Variants in SELENOT observed in about 807,000 individuals in gnomAD.
SELENOT encodes the protein selenoprotein T.
In SELENOT, 9 loss-of-function variants were observed where a neutral mutation model predicts 24.3. That is an observed-to-expected ratio of 0.37 (90% CI 0.22 to 0.65). SELENOT has a LOEUF of 0.65. Among genes scored for constraint, SELENOT ranks in the 30% least tolerant of loss-of-function variants. SELENOT has a pLI of 0.60. For synonymous variants in SELENOT, 81 were observed against 86.0 expected, an observed-to-expected ratio of 0.94 and a Z score of 0.32; for missense variants, 166 against 247.6, an observed-to-expected ratio of 0.67 and a Z score of 2.21.
In SELENOT at chr3:150,627,176, A is replaced by G. The variant is rs1047807656; in HGVS notation, c.*29+13A>G. The G allele has an allele frequency of 1.3e-6, 2 of 1,582,834 alleles. No individual in the cohort carries two copies. Among genetic ancestry groups the G allele is most frequent in the Non-Finnish European group, 1.7e-6 (2 of 1,160,478 alleles). On this transcript the variant is annotated intron_variant, in intron 5 of 5. Transcript: ENST00000471696. ...TGAAAACTCTTTTGTAAGTTGTTTA[A>G]AATATAGCTAATGTATAGGTTTCTG... is the stretch of plus-strand genomic sequence containing the variant.
In SELENOT at chr3:150,629,250, T is replaced by C. The variant is rs1726507768; in HGVS notation, c.*1621T>C. 6.6e-6 allele frequency: 1 copy of C among 152,344 alleles called. No homozygotes were observed. Among genetic ancestry groups the C allele is most frequent in the Non-Finnish European group, 1.5e-5 (1 of 68,034 alleles). 9.4% of individuals were successfully genotyped at this position (152,344 alleles called of 1,614,324 possible). On this transcript the variant is annotated 3_prime_UTR_variant, in exon 6 of 6. Transcript: ENST00000471696. ...TAGTCTAATAATTCACTGCAGAAAA[T>C]TGATTAAGTGGCTGTCCTTTTAATT...
At chr3:150,615,436 G>A (rs1246748319) in intron 1 of SELENOT, among the ~76,000 whole-genome samples, 3 of 149,850 alleles carry the variant, frequency 2.0e-5, no homozygotes, top group Non-Finnish European at 4.5e-5. Flanking sequence ...CTGAGGAATC[G>A]CCACACTGAC....
chr3:150,618,287 A>G (rs1287028941), intron 1 of SELENOT, among the ~76,000 whole-genome samples: 1 of 152,240 alleles, frequency 6.6e-6, no homozygotes, highest in African/African-American at 2.4e-5. Context: ...ACCCAATGCT[A>G]TGCGTGGATG....
At chr3:150,609,062 G>A (rs1433996649) in intron 1 of SELENOT, among the ~76,000 whole-genome samples, 1 of 152,160 alleles carries the variant, frequency 6.6e-6, no homozygotes, top group Non-Finnish European at 1.5e-5. Flanking sequence ...AGACATCCTT[G>A]TTTTGTTCCA....
At chr3:150,615,160 C>A (rs1726183451) in intron 1 of SELENOT, among the ~76,000 whole-genome samples, 1 of 150,092 alleles carries the variant, frequency 6.7e-6, no homozygotes, top group Admixed American at 6.7e-5. Context: ...ATGATGGTTT[C>A]CAATTTCATC....
At chr3:150,627,194 G>T in intron 5 of SELENOT, 31 bp downstream of exon 5, 2 of 1,498,166 alleles carry the variant, frequency 1.3e-6, no homozygotes, top group South Asian at 2.7e-5. Context: ...CTAATGTATA[G>T]GTTTCTGTTG....
At position 150,622,431 on chromosome 3, in the gene SELENOT, AT is replaced by A; in HGVS notation, c.186del (p.Ser63AlafsTer?). Reference sequence around the variant, plus strand: ...GGTGTTTGAGGAGTACATGCGGGTTATTAGCCAGCGGTACCCAGACATCCGC... The same window carrying A: ...GGTGTTTGAGGAGTACATGCGGGTTATAGCCAGCGGTACCCAGACATCCGC... ...RRVFEEYMRV[I>X]SQRYPDIRIE... On this transcript the variant is annotated frameshift_variant, in exon 2 of 6. Transcript: ENST00000471696. LOFTEE classifies it high-confidence loss of function. The A allele has an allele frequency of 6.6e-7, 1 of 1,505,054 alleles. No homozygotes were observed. The highest frequency in any genetic ancestry group is 1.3e-5 in the South Asian group (1 of 78,128). The allele number at this position is 1,505,054 out of a possible 1,614,324, so 93.2% of individuals were successfully genotyped here.
intron 1 of SELENOT, 111 bp from the exon 2 acceptor site, chr3:150,622,274 A>G: frequency 2.3e-6 from 1 of 442,232 alleles, no homozygotes; most frequent in Non-Finnish European, 4.0e-6. Context: ...TGAATTTGTG[A>G]CTGATTTTGA....
intron 1 of SELENOT, chr3:150,618,825 A>T (rs1433844289): frequency 6.6e-6 from 1 of 152,182 alleles, no homozygotes; most frequent in African/African-American, 2.4e-5. Context: ...TGCCCAGCCT[A>T]TGATAGACTT....
At chr3:150,605,465 G>A (rs776703655) in intron 1 of SELENOT, among the ~76,000 whole-genome samples, 1 of 151,948 alleles carries the variant, frequency 6.6e-6, no homozygotes, top group Admixed American at 6.6e-5. Flanking sequence ...AAAGTAGTAA[G>A]TACTTCAGTT....
At chr3:150,624,703 A>G in intron 3 of SELENOT, 109 bp from the exon 4 acceptor site, 1 of 611,540 alleles carries the variant, frequency 1.6e-6, no homozygotes, top group Admixed American at 3.5e-5. Context: ...ATGTTATCTG[A>G]ACATATGGAA....
intron 1 of SELENOT, 66 bp from the exon 2 acceptor site, chr3:150,622,319 A>G: frequency 1.4e-6 from 1 of 713,722 alleles, no homozygotes. Context: ...TTTAGGCTTT[A>G]ACTAACTACA....
At chr3:150,625,746 A>G (rs1424423916) in intron 4 of SELENOT, among the ~76,000 whole-genome samples, 1 of 152,140 alleles carries the variant, frequency 6.6e-6, no homozygotes, top group Non-Finnish European at 1.5e-5. Context: ...GTAGAAATTT[A>G]TCTTTATATT....
chr3:150,625,957 C>T (rs983875899), intron 4 of SELENOT, among the ~76,000 whole-genome samples: 2 of 151,388 alleles, frequency 1.3e-5, no homozygotes, highest in African/African-American at 4.9e-5. Flanking sequence ...GCAAGCTCTG[C>T]CTCCCAGGTT....
intron 1 of SELENOT, among the ~76,000 whole-genome samples, chr3:150,619,756 G>A (rs988064286): frequency 3.3e-5 from 5 of 152,312 alleles, no homozygotes; most frequent in Non-Finnish European, 7.3e-5. Context: ...TCTTTACCAT[G>A]TATACCTTTA....
intron 1 of SELENOT, among the ~76,000 whole-genome samples, chr3:150,621,677 T>G (rs1473482438): frequency 2.8e-5 from 4 of 140,692 alleles, no homozygotes. Context: ...GCTTAGAGAC[T>G]TTAGAGACTT....
chr3:150,609,488 T>C (rs1726036807), intron 1 of SELENOT, among the ~76,000 whole-genome samples: 4 of 152,144 alleles, frequency 2.6e-5, no homozygotes, highest in Admixed American at 2.6e-4. Context: ...TAGCTGAGAT[T>C]ACAGGCGCGC....
At chr3:150,605,449 A>T (rs1044117477) in intron 1 of SELENOT, among the ~76,000 whole-genome samples, 7 of 151,240 alleles carry the variant, frequency 4.6e-5, no homozygotes, top group Admixed American at 4.6e-4. Flanking sequence ...AATTAAACTT[A>T]AAAAAAAAGT....
At chr3:150,617,207 C>G (rs774293700) in intron 1 of SELENOT, among the ~76,000 whole-genome samples, 1 of 152,126 alleles carries the variant, frequency 6.6e-6, no homozygotes, top group African/African-American at 2.4e-5. Flanking sequence ...GTCTGTGTTC[C>G]TTTTTTTCTC....
Sources: gnomAD v4.1 joint callset for allele counts (sites outside exome capture counted in the v4.1 genomes callset) on GRCh38, gnomAD v4.1.1 for gene constraint, MANE v1.5 for transcripts, NCBI Gene and HGNC (gene_info 2026-07-23, HGNC 2026-07-21) for gene names.